The following TUSC3 variants were observed in gnomAD, a reference collection of about 807,000 sequenced individuals.
TUSC3 encodes the protein tumor suppressor candidate 3.
TUSC3 carries 45 observed loss-of-function variants against 44.8 expected under a neutral mutation model. The observed-to-expected ratio is 1.00, with a 90% CI of 0.79 to 1.29. The LOEUF is 1.29. TUSC3 is among the 50% of genes most tolerant of loss of function. The probability of loss-of-function intolerance (pLI) is 0.00; values close to 1 mark genes in which losing one functional copy is unlikely to be tolerated. For missense variants in TUSC3, 519 were observed against 437.9 expected (o/e 1.19, Z -1.65); for synonymous variants, 212 against 152.9 (o/e 1.39, Z -2.85).
At chr8:15,506,607 C>G (rs1375292000) in intron 2 of TUSC3, among the ~76,000 whole-genome samples, 1 of 152,112 alleles carries the variant, frequency 6.6e-6, no homozygotes, top group African/African-American at 2.4e-5. Context: ...CAAAGACACG[C>G]CTTACATGGT....
At chr8:15,545,729 A>G (rs890838181) in intron 1 of TUSC3, among the ~76,000 whole-genome samples, 2 of 151,740 alleles carry the variant, frequency 1.3e-5, no homozygotes, top group African/African-American at 4.8e-5. Context: ...GAGTGGAAAC[A>G]TAACTCAAGC....
At chr8:15,455,824 C>A (rs1446989113) in intron 1 of TUSC3, among the ~76,000 whole-genome samples, 1 of 152,168 alleles carries the variant, frequency 6.6e-6, no homozygotes, top group African/African-American at 2.4e-5. Context: ...CCCCAAAACT[C>A]AGCCATTTTC....
chr8:15,767,628 G>C (rs1266419641), downstream of TUSC3, among the ~76,000 whole-genome samples: 1 of 152,124 alleles, frequency 6.6e-6, no homozygotes, highest in Admixed American at 6.6e-5. Context: ...GAAGACTGCA[G>C]CCTGCATTCC....
chr8:15,831,900 C>A, the TUSC3 span, among the ~76,000 whole-genome samples: 2 of 152,130 alleles, frequency 1.3e-5, no homozygotes, highest in African/African-American at 4.8e-5. Flanking sequence ...ACGTCCCCAA[C>A]CTAGCTAGAC....
At chr8:15,501,365 C>T (rs549187291) in intron 2 of TUSC3, among the ~76,000 whole-genome samples, 14 of 152,278 alleles carry the variant, frequency 9.2e-5, no homozygotes, top group African/African-American at 3.4e-4. Flanking sequence ...CTTTGATGCA[C>T]ACATGGTACT....
rs377654358 is a variant in TUSC3 at position 15,588,316 on chromosome 8, T to C, written c.139-34764T>C. ...TGCTTTTCCCTGATGATCAGTGATG[T>C]TGCACATTTTTTCAGATACTTGTTG... On this transcript the variant is annotated intron_variant, in intron 1 of 10. Coordinates refer to ENST00000503731, the MANE Select transcript of TUSC3 (RefSeq NM_006765.4). Among the ~76,000 whole-genome samples, 25 of 152,296 alleles carry C rather than the reference T, an allele frequency of 1.6e-4. No homozygotes were observed. The East Asian group carries it at 3.9e-3, about 23-fold the overall frequency.
At chr8:15,767,202 T>G (rs1174962524), downstream of TUSC3, among the ~76,000 whole-genome samples, 2 of 152,108 alleles carry the variant, frequency 1.3e-5, no homozygotes, top group Non-Finnish European at 2.9e-5. Context: ...TTATGAATTT[T>G]CGATATTCCT....
chr8:15,588,856 G>A (rs1429698991), intron 1 of TUSC3, among the ~76,000 whole-genome samples: 2 of 152,110 alleles, frequency 1.3e-5, no homozygotes, highest in African/African-American at 4.8e-5. Flanking sequence ...TTGCATATCA[G>A]TTGGCTGTGA....
the TUSC3 span, among the ~76,000 whole-genome samples, chr8:15,814,511 G>C: frequency 6.6e-6 from 1 of 152,138 alleles, no homozygotes; most frequent in Non-Finnish European, 1.5e-5. Flanking sequence ...TCAACAATTA[G>C]TACATTTTCT....
At chr8:15,730,388 A>C (rs1299793914) in intron 6 of TUSC3, among the ~76,000 whole-genome samples, 3 of 152,136 alleles carry the variant, frequency 2.0e-5, no homozygotes, top group Admixed American at 6.6e-5. Flanking sequence ...ATCATATTTT[A>C]TGTGTGTATG....
chr8:15,664,357 A>C (rs909556226), intron 5 of TUSC3, among the ~76,000 whole-genome samples: 3 of 151,508 alleles, frequency 2.0e-5, no homozygotes, highest in African/African-American at 7.3e-5. Flanking sequence ...ATAAATTCAT[A>C]GAAGAACTTT....
upstream of TUSC3, among the ~76,000 whole-genome samples, chr8:15,539,641 C>T (rs1324825973): frequency 6.6e-6 from 1 of 152,058 alleles, no homozygotes; most frequent in South Asian, 2.1e-4. Context: ...CATGAGCCAC[C>T]ATGTCCAGTC....
At chr8:15,695,006 G>T (rs1212498506) in intron 6 of TUSC3, among the ~76,000 whole-genome samples, 1 of 152,210 alleles carries the variant, frequency 6.6e-6, no homozygotes, top group East Asian at 1.9e-4. Flanking sequence ...ACCATTGCCG[G>T]TGTCATAGCA....
downstream of TUSC3, among the ~76,000 whole-genome samples, chr8:15,771,481 T>G (rs139888120): frequency 5.3e-4 from 79 of 149,320 alleles, no homozygotes; most frequent in African/African-American, 1.4e-3. Flanking sequence ...AATAACTGCA[T>G]AGATTAAATA....
intron 1 of TUSC3, among the ~76,000 whole-genome samples, chr8:15,620,235 G>T (rs1054005433): frequency 1.3e-5 from 2 of 152,116 alleles, no homozygotes; most frequent in Non-Finnish European, 2.9e-5. Flanking sequence ...TGCAGATAGC[G>T]TTAGACTTTC....
At chr8:15,820,842 A>C in the TUSC3 span, among the ~76,000 whole-genome samples, 1 of 152,320 alleles carries the variant, frequency 6.6e-6, no homozygotes, top group African/African-American at 2.4e-5. Flanking sequence ...GTTTTTTAAA[A>C]TATGTATGCC....
Position 15,569,049 on chromosome 8 carries a change from G to T in TUSC3, c.138+28481G>T, listed in dbSNP as rs375736356. 1.5e-4 allele frequency among the ~76,000 whole-genome samples: 23 copies of T among 151,964 alleles called. No homozygotes were observed. The East Asian group carries it at 3.5e-3, about 23-fold the overall frequency. On this transcript the variant is annotated intron_variant, in intron 1 of 10. Transcript: ENST00000503731. ...TAGTTTTGCTAAGTCATTATTGTGC[G>T]GCTTGTTATATATTAAATGATCAAA...
intron 1 of TUSC3, among the ~76,000 whole-genome samples, chr8:15,463,626 T>A (rs1800376830): frequency 6.6e-6 from 1 of 152,140 alleles, no homozygotes; most frequent in Admixed American, 6.6e-5. Context: ...CTTTTTCAGA[T>A]CATGAAGCCT....
the TUSC3 span, among the ~76,000 whole-genome samples, chr8:15,819,591 A>G: frequency 3.3e-5 from 5 of 152,184 alleles, no homozygotes; most frequent in African/African-American, 4.8e-5. Flanking sequence ...CATACTAGCA[A>G]ATAATCTCTT....
Sources: allele counts gnomAD v4.1 joint callset (sites outside exome capture counted in the v4.1 genomes callset), GRCh38; gene constraint gnomAD v4.1.1; transcripts MANE v1.5; gene names NCBI Gene and HGNC (gene_info 2026-07-23, HGNC 2026-07-21).